The following ZFYVE26 variants were observed in gnomAD, a reference collection of about 807,000 sequenced individuals.
ZFYVE26 encodes the protein zinc finger FYVE-type containing 26.
ZFYVE26 carries 181 observed loss-of-function variants against 276.5 expected under a neutral mutation model. The ratio of observed to expected loss-of-function variants is 0.65; its 90% CI spans 0.58 to 0.74. The LOEUF (loss-of-function observed/expected upper bound fraction) is 0.74. Ranked by LOEUF, ZFYVE26 falls within the 30% of genes least tolerant of loss-of-function variation. The probability of loss-of-function intolerance (pLI) is 0.00; values close to 1 mark genes in which losing one functional copy is unlikely to be tolerated. For synonymous variants in ZFYVE26, 1,129 were observed against 1,203.1 expected, an observed-to-expected ratio of 0.94 and a Z score of 1.27; for missense variants, 2,821 against 3,097.9, an observed-to-expected ratio of 0.91 and a Z score of 2.12.
chr14:67,774,868 T>A, intron 27 of ZFYVE26, 148 bp downstream of exon 27: 1 of 640,088 alleles, frequency 1.6e-6, no homozygotes, highest in South Asian at 1.9e-5. Flanking sequence ...GAGATATATA[T>A]AAATCTGGAA....
At chr14:67,758,518 C>G (rs2038846383) in intron 35 of ZFYVE26, among the ~76,000 whole-genome samples, 1 of 152,174 alleles carries the variant, frequency 6.6e-6, no homozygotes, top group Admixed American at 6.5e-5. Context: ...AGTGGCAATC[C>G]AGCAGGATAA....
intron 27 of ZFYVE26, among the ~76,000 whole-genome samples, chr14:67,774,603 T>C (rs79383679): frequency 0.023 from 3,467 of 152,300 alleles, 52 homozygotes; most frequent in Non-Finnish European, 0.037. Flanking sequence ...ATCCCAATTC[T>C]GGGACCTGTT....
rs754092664 is a variant in ZFYVE26, at chr14:67,789,489, C to T, written c.2865G>A (p.Glu955=). 15 of 1,614,178 alleles carry T rather than the reference C, an allele frequency of 9.3e-6. No individual in the cohort carries two copies. The Admixed American group carries it at 2.5e-4, about 27-fold the overall frequency. ...EDFWISTALV[E]PTAPLREVLE... The stretch of plus-strand genomic sequence containing the variant: ...GAACCTCTCTCAGGGGAGCAGTGGG[C>T]TCCACTAGAGCCGTGCTTATCCAAA... The change falls in exon 16 of 42, where the codon GAG becomes GAA. Residue 955 remains glutamate, a synonymous_variant. Transcript: ENST00000347230.
intron 27 of ZFYVE26, 148 bp from the exon 28 acceptor site, chr14:67,772,358 A>G: frequency 3.1e-6 from 3 of 953,068 alleles, no homozygotes; most frequent in Non-Finnish European, 4.8e-6. Flanking sequence ...TTGTGTCATA[A>G]AAGAGAGACA....
intron 40 of ZFYVE26, 84 bp downstream of exon 40, chr14:67,752,260 A>G: frequency 6.7e-7 from 1 of 1,489,560 alleles, no homozygotes; most frequent in Non-Finnish European, 9.2e-7. Context: ...TTTCAGGCAC[A>G]TTATGGAAAA....
At chr14:67,745,008 GA>G (rs2038464533), downstream of ZFYVE26, among the ~76,000 whole-genome samples, 1 of 152,122 alleles carries the variant, frequency 6.6e-6, no homozygotes, top group Non-Finnish European at 1.5e-5. Flanking sequence ...CACAATGGTT[GA>G]ACTAATTTAC....
chr14:67,734,568 C>G (rs2038328831), intron 13 of ZFYVE26: 1 of 156,084 alleles, frequency 6.4e-6, no homozygotes, highest in Admixed American at 6.2e-5. Flanking sequence ...TTGGGAATAG[C>G]AAGGGAGCAG....
chr14:67,761,533 T>A lies in ZFYVE26; in HGVS notation c.6421A>T (p.Thr2141Ser). ...ATCACTGCCAGAGAAAGGCTCTGCG[T>A]CCGAAGGGTAGCTTCCAGTTCCCTC... is the stretch of plus-strand genomic sequence containing the variant. ...TLRELEATLRTQSLSLAVIPE... is the reference protein window; with the variant it reads ...TLRELEATLRSQSLSLAVIPE... The change falls in exon 35 of 42, where the codon ACG (threonine) becomes TCG (serine). Residue 2141 changes from threonine (T) to serine (S), a missense_variant. By Grantham distance (58) the Thr-to-Ser change is moderately conservative. Coordinates refer to ENST00000347230, the MANE Select transcript of ZFYVE26 (RefSeq NM_015346.4). 6.2e-7 allele frequency: 1 copy of A among 1,614,222 alleles called. No individual in the cohort carries two copies. Among genetic ancestry groups the A allele is most frequent in the East Asian group, 2.2e-5 (1 of 44,888 alleles).
downstream of ZFYVE26, among the ~76,000 whole-genome samples, chr14:67,743,695 T>C (rs2038447029): frequency 6.6e-6 from 1 of 152,016 alleles, no homozygotes; most frequent in South Asian, 2.1e-4. Flanking sequence ...AAAAGGCAGA[T>C]CTGGTGTGGG....
chr14:67,813,298 G>A (rs1195700409), intron 3 of ZFYVE26, among the ~76,000 whole-genome samples: 1 of 152,178 alleles, frequency 6.6e-6, no homozygotes, highest in Non-Finnish European at 1.5e-5. Flanking sequence ...TAACTTTACG[G>A]TGTGTCCTTG....
At chr14:67,742,856 T>TTTTTTTTTC (rs1471079529), downstream of ZFYVE26, among the ~76,000 whole-genome samples, 5 of 128,780 alleles carry the variant, frequency 3.9e-5, no homozygotes, top group African/African-American at 1.4e-4. Flanking sequence ...TTTTTTTTTT[T>TTTTTTTTTC]TGTTTCAGGG....
rs377247571 is a variant in ZFYVE26 at position 67,798,019 on chromosome 14, C to T, written c.2243G>A (p.Arg748His). The T allele has an allele frequency of 1.5e-5, 25 of 1,614,020 alleles. No homozygotes were observed. Among genetic ancestry groups the T allele is most frequent in the South Asian group, 5.5e-5 (5 of 91,080 alleles). Residue 748 changes from arginine (R) to histidine (H), a missense_variant, in exon 11 of 42, where the codon CGT becomes CAT. By Grantham distance (29) the Arg-to-His change is conservative. Transcript: ENST00000347230. ...WRHKVVTSNH[R>H]SEEQPSRRYQ... ...CAGTTCCACCCTTCTCTCACCTGAA[C>T]GATGGTTGCTTGTCACCACCTTGTG...
intron 21 of ZFYVE26, 101 bp from the exon 22 acceptor site, chr14:67,781,630 AAG>A (rs2039503409): frequency 9.0e-7 from 1 of 1,107,780 alleles, no homozygotes; most frequent in African/African-American, 1.5e-5. Flanking sequence ...AATCTCGTAA[AAG>A]AGGAGCTTGG....
intron 31 of ZFYVE26, 130 bp downstream of exon 31, chr14:67,767,574 G>T: frequency 8.0e-7 from 1 of 1,248,714 alleles, no homozygotes; most frequent in Non-Finnish European, 1.2e-6. Context: ...TGGATTTACT[G>T]GTTTAGCTCC....
chr14:67,749,889 G>A (rs1212266748), intron 41 of ZFYVE26, among the ~76,000 whole-genome samples: 1 of 152,222 alleles, frequency 6.6e-6, no homozygotes, highest in Non-Finnish European at 1.5e-5. Context: ...CATTTTGCCA[G>A]AGAGTCTGGA....
chr14:67,814,841 A>C (rs1190270598), intron 2 of ZFYVE26, among the ~76,000 whole-genome samples: 1 of 152,220 alleles, frequency 6.6e-6, no homozygotes. Flanking sequence ...AAGGAGAAAA[A>C]GAAAAGGAAG....
Position 67,783,069 on chromosome 14 carries a change from T to C in ZFYVE26, c.4083A>G (p.Glu1361=). The C allele has an allele frequency of 1.2e-6, 2 of 1,614,016 alleles. No homozygotes were observed. The highest frequency in any genetic ancestry group is 1.7e-5 in the Admixed American group (1 of 60,008). Residue 1361 remains glutamate, a synonymous_variant, in exon 21 of 42, where the codon GAA becomes GAG. Coordinates refer to ENST00000347230, the MANE Select transcript of ZFYVE26 (RefSeq NM_015346.4). ...GGAAGGCCTCAAACAGAGGGAATTG[T>C]TCCAGAAGGCGCTCACACTCCCGGG... is the stretch of plus-strand genomic sequence containing the variant. ...QVARECERLL[E]QFPLFEAFLL... is the part of the protein sequence containing the mutation.
At position 67,806,607 on chromosome 14, in the gene ZFYVE26, C is replaced by G; in HGVS notation, c.955G>C (p.Ala319Pro). Residue 319 changes from alanine to proline, a missense_variant, in exon 6 of 42, where the codon GCT becomes CCT. By Grantham distance (27) the Ala-to-Pro change is conservative. Transcript: ENST00000347230. ...ALFSNPNPAEAWKVAYFYCLS... is the reference protein window; with the variant it reads ...ALFSNPNPAEPWKVAYFYCLS... ...CAGTAGAAATAGGCCACTTTCCAAG[C>G]CTCGGCTGGGTTGGGATTGGAGAAC... is the stretch of plus-strand genomic sequence containing the variant. The G allele has an allele frequency of 6.2e-7, 1 of 1,614,198 alleles. No individual in the cohort carries two copies. Among genetic ancestry groups the G allele is most frequent in the Non-Finnish European group, 8.5e-7 (1 of 1,180,034 alleles).
At chr14:67,793,324 G>A (rs1184071606) in intron 14 of ZFYVE26, among the ~76,000 whole-genome samples, 3 of 152,158 alleles carry the variant, frequency 2.0e-5, no homozygotes, top group Non-Finnish European at 1.5e-5. Flanking sequence ...AGGAGTCAAG[G>A]AGAGAAACAA....
Sources: gnomAD v4.1 joint callset for allele counts (sites outside exome capture counted in the v4.1 genomes callset) on GRCh38, gnomAD v4.1.1 for gene constraint, MANE v1.5 for transcripts, NCBI Gene and HGNC (gene_info 2026-07-23, HGNC 2026-07-21) for gene names.